The following MRPL48 variants were observed in gnomAD, a reference collection of about 807,000 sequenced individuals.
MRPL48 encodes the protein large ribosomal subunit protein mL48.
MRPL48 carries 16 observed loss-of-function variants against 32.9 expected under a neutral mutation model. The observed-to-expected ratio is 0.49, with a 90% CI of 0.33 to 0.74. MRPL48 has a LOEUF of 0.74. MRPL48 is among the 30% of genes least tolerant of loss of function. The probability of loss-of-function intolerance (pLI) is 0.02; values close to 1 mark genes in which losing one functional copy is unlikely to be tolerated. For missense variants in MRPL48, 206 were observed against 245.3 expected, an observed-to-expected ratio of 0.84 and a Z score of 1.07; for synonymous variants, 94 against 89.2, an observed-to-expected ratio of 1.05 and a Z score of -0.31.
At chr11:73,806,717 ATAT>A (rs1365327594) in intron 2 of MRPL48, among the ~76,000 whole-genome samples, 1 of 152,098 alleles carries the variant, frequency 6.6e-6, no homozygotes, top group Non-Finnish European at 1.5e-5. Context: ...AAAACAGATG[ATAT>A]TATCTCAATT....
Position 73,788,472 on chromosome 11 carries a change from C to CTTT in MRPL48, c.21+500_21+502dup, listed in dbSNP as rs11352308. Among the ~76,000 whole-genome samples the CTTT allele has an allele frequency of 1.5e-3, 159 of 109,576 alleles. 2 individuals carry two copies. The highest frequency in any genetic ancestry group is 7.0e-3 in the East Asian group (28 of 4,006). 71.9% of individuals were successfully genotyped at this position (109,576 alleles called of 152,430 possible). On this transcript the variant is annotated intron_variant, in intron 1 of 7. Coordinates refer to ENST00000310614, the MANE Select transcript of MRPL48 (RefSeq NM_016055.6). The stretch of plus-strand genomic sequence containing the variant: ...AAACTAGGTTTTTGTTCTTTTCTTT[C>CTTT]TTTTTTTTTTTTTTTTTTTTTTGAC...
chr11:73,804,437 C>T (rs1295740201), intron 1 of MRPL48, among the ~76,000 whole-genome samples: 1 of 151,724 alleles, frequency 6.6e-6, no homozygotes, highest in Non-Finnish European at 1.5e-5. Context: ...CCACCATGCC[C>T]GGCTAATTTT....
At chr11:73,840,559 G>C (rs896828083) in intron 4 of MRPL48, among the ~76,000 whole-genome samples, 1 of 152,174 alleles carries the variant, frequency 6.6e-6, no homozygotes, top group Non-Finnish European at 1.5e-5. Flanking sequence ...GAGTGCAGTG[G>C]TGTGATCTCA....
At position 73,817,587 on chromosome 11, in the gene MRPL48, T is replaced by C. The variant is rs549734916; in HGVS notation, c.113-8121T>C. On this transcript the variant is annotated intron_variant, in intron 3 of 7. Coordinates refer to ENST00000310614, the MANE Select transcript of MRPL48 (RefSeq NM_016055.6). ...TTGGAATTTTCATGTCTTTGATTAC[T>C]AGTTGGTTGAACATATTTTTGTACA... Among the ~76,000 whole-genome samples, 83 of 152,334 alleles carry C rather than the reference T, an allele frequency of 5.4e-4. 1 individual carries two copies. In the South Asian group the frequency reaches 0.016, roughly 30 times the overall value.
At chr11:73,834,983 C>T (rs1948070193) in intron 4 of MRPL48, among the ~76,000 whole-genome samples, 1 of 151,818 alleles carries the variant, frequency 6.6e-6, no homozygotes. Context: ...AGGTACACGC[C>T]ATCACACAGG....
Position 73,812,519 on chromosome 11 carries a change from C to T in MRPL48, c.112+4169C>T, listed in dbSNP as rs550429020. 5.9e-5 allele frequency among the ~76,000 whole-genome samples: 9 copies of T among 151,794 alleles called. No homozygotes were observed. The South Asian group carries it at 6.2e-4, about 11-fold the overall frequency. On this transcript the variant is annotated intron_variant, in intron 3 of 7. Coordinates refer to ENST00000310614, the MANE Select transcript of MRPL48 (RefSeq NM_016055.6). ...TGTATTAATTTACATTTCTATTTTC[C>T]GGCCCAAACTGGGTTTTATAAAACA...
chr11:73,849,613 G>A (rs533268221), intron 5 of MRPL48, among the ~76,000 whole-genome samples: 4 of 152,302 alleles, frequency 2.6e-5, no homozygotes, highest in East Asian at 1.9e-4. Context: ...GCTGAGTAGC[G>A]TTTCATTGAA....
chr11:73,795,731 C>A (rs754948608), intron 1 of MRPL48, among the ~76,000 whole-genome samples: 1 of 151,212 alleles, frequency 6.6e-6, no homozygotes, highest in East Asian at 1.9e-4. Flanking sequence ...TGGTCTCGAT[C>A]TCCTGACCTC....
intron 4 of MRPL48, among the ~76,000 whole-genome samples, chr11:73,831,643 A>T (rs1947997416): frequency 6.6e-6 from 1 of 151,978 alleles, no homozygotes; most frequent in Admixed American, 6.6e-5. Context: ...CTTATATTTC[A>T]CAGAAGTAAA....
chr11:73,825,633 A>C (rs550332417), intron 3 of MRPL48, 75 bp from the exon 4 acceptor site: 1 of 1,310,946 alleles, frequency 7.6e-7, no homozygotes, highest in East Asian at 2.6e-5. Context: ...GTGACAGAGC[A>C]AGACCCTGTC....
intron 5 of MRPL48, among the ~76,000 whole-genome samples, chr11:73,847,304 T>C (rs1948310022): frequency 2.0e-5 from 3 of 152,332 alleles, no homozygotes; most frequent in Middle Eastern, 6.8e-3. Flanking sequence ...ATAATGATAT[T>C]GAGCATCTTT....
intron 4 of MRPL48, among the ~76,000 whole-genome samples, chr11:73,837,804 T>C (rs529032559): frequency 6.6e-6 from 1 of 152,286 alleles, no homozygotes; most frequent in South Asian, 2.1e-4. Context: ...CAGGTTGGGC[T>C]TCCCAAAACA....
In MRPL48 at chr11:73,864,351, TGTTGGCCAA is replaced by T. The variant is rs1948632414; in HGVS notation, c.625_633del (p.Ala209_Leu211del). 1 of 1,613,792 alleles carries T rather than the reference TGTTGGCCAA, an allele frequency of 6.2e-7. No individual in the cohort carries two copies. Among genetic ancestry groups the T allele is most frequent in the African/African-American group, 1.3e-5 (1 of 74,930 alleles). Reference sequence around the variant, plus strand: ...AAAGCTCGACCAGAACTGGAAGAACTGTTGGCCAAGTTGAAGTAGCTACTGTAGACCCTT... The same window carrying T: ...AAAGCTCGACCAGAACTGGAAGAACTGTTGAAGTAGCTACTGTAGACCCTT... On this transcript the variant is annotated inframe_deletion, in exon 8 of 8. Transcript: ENST00000310614.
chr11:73,797,329 C>A (rs1474589777), intron 1 of MRPL48, among the ~76,000 whole-genome samples: 1 of 152,208 alleles, frequency 6.6e-6, no homozygotes, highest in Non-Finnish European at 1.5e-5. Flanking sequence ...AACTTGGGAC[C>A]TGTTTAATGG....
At chr11:73,826,583 G>A (rs1269151428) in intron 4 of MRPL48, among the ~76,000 whole-genome samples, 1 of 152,002 alleles carries the variant, frequency 6.6e-6, no homozygotes, top group Non-Finnish European at 1.5e-5. Context: ...GGTTCAAGCT[G>A]TTCTCATGCT....
chr11:73,807,627 TTATC>T (rs1206194621), intron 2 of MRPL48, among the ~76,000 whole-genome samples: 3 of 150,264 alleles, frequency 2.0e-5, no homozygotes, highest in East Asian at 3.9e-4. Flanking sequence ...TGTAGTATTA[TTATC>T]TTTTTTTTTT....
intron 5 of MRPL48, among the ~76,000 whole-genome samples, chr11:73,858,203 G>A (rs563372090): frequency 6.6e-6 from 1 of 152,326 alleles, no homozygotes; most frequent in South Asian, 2.1e-4. Flanking sequence ...TGAATCAGAA[G>A]AAGAGGAGAT....
rs143971298 is a variant in MRPL48 at position 73,808,071 on chromosome 11, G to A, written c.75-242G>A. On this transcript the variant is annotated intron_variant, in intron 2 of 7. Transcript: ENST00000310614. ...CAATACTATATTGTGGCTCACATTC[G>A]TTTACCAGCACCTTTCCCAACTAGA... Among the ~76,000 whole-genome samples the A allele has an allele frequency of 3.1e-3, 477 of 152,154 alleles. 3 individuals are homozygous for A. Among genetic ancestry groups the A allele is most frequent in the African/African-American group, 8.8e-3 (367 of 41,510 alleles).
intron 4 of MRPL48, among the ~76,000 whole-genome samples, chr11:73,828,011 G>A (rs185921093): frequency 3.9e-5 from 6 of 152,162 alleles, no homozygotes; most frequent in Admixed American, 3.9e-4. Flanking sequence ...TATGTAAAAT[G>A]TTTGTTGTAG....
Sources: allele counts gnomAD v4.1 joint callset (sites outside exome capture counted in the v4.1 genomes callset), GRCh38; gene constraint gnomAD v4.1.1; transcripts MANE v1.5; gene names NCBI Gene and HGNC (gene_info 2026-07-23, HGNC 2026-07-21).